Variants in MYO3B observed in about 807,000 individuals in gnomAD.
MYO3B encodes the protein myosin-IIIb.
In MYO3B, 156 loss-of-function variants were observed where a neutral mutation model predicts 174.6. The ratio of observed to expected loss-of-function variants is 0.89; its 90% CI spans 0.78 to 1.02. The LOEUF (loss-of-function observed/expected upper bound fraction) is 1.02, where lower values mean the gene tolerates loss of function less well. Among genes scored for constraint, MYO3B ranks in the 50% least tolerant of loss-of-function variants. MYO3B has a pLI of 0.00. For synonymous variants in MYO3B, 563 were observed against 569.1 expected, an observed-to-expected ratio of 0.99 and a Z score of 0.15; for missense variants, 1,632 against 1,639.4, an observed-to-expected ratio of 1.00 and a Z score of 0.08.
chr2:170,566,128 A>G (rs1025568116), intron 32 of MYO3B, among the ~76,000 whole-genome samples: 2 of 152,218 alleles, frequency 1.3e-5, no homozygotes, highest in African/African-American at 4.8e-5. Flanking sequence ...AGATGAAAAC[A>G]TGCTGAATTA....
chr2:170,325,181 C>A (rs867280385), intron 7 of MYO3B, among the ~76,000 whole-genome samples: 3 of 152,038 alleles, frequency 2.0e-5, no homozygotes. Flanking sequence ...TCCGCTGTTA[C>A]AAGTTAAACA....
At chr2:170,620,607 A>T (rs915396156) in intron 32 of MYO3B, among the ~76,000 whole-genome samples, 1 of 152,238 alleles carries the variant, frequency 6.6e-6, no homozygotes, top group African/African-American at 2.4e-5. Context: ...ACAAGACAGT[A>T]GGCAGCATGA....
At chr2:170,231,427 C>G (rs2093015020) in intron 6 of MYO3B, among the ~76,000 whole-genome samples, 1 of 152,236 alleles carries the variant, frequency 6.6e-6, no homozygotes, top group Non-Finnish European at 1.5e-5. Flanking sequence ...AGTCTCAACC[C>G]ACTGCTAGGT....
intron 16 of MYO3B, among the ~76,000 whole-genome samples, chr2:170,399,319 C>A (rs1425066511): frequency 8.0e-6 from 1 of 125,554 alleles, no homozygotes; most frequent in East Asian, 2.5e-4. Flanking sequence ...CTAAAAAATA[C>A]CAAAAAGAGC....
chr2:170,300,091 G>A (rs1219056550), intron 7 of MYO3B, among the ~76,000 whole-genome samples: 6 of 152,220 alleles, frequency 3.9e-5, no homozygotes, highest in Admixed American at 3.9e-4. Context: ...GATATTCAGT[G>A]CCGATAGGGC....
intron 25 of MYO3B, among the ~76,000 whole-genome samples, chr2:170,473,798 G>A (rs1685136682): frequency 6.6e-6 from 1 of 152,068 alleles, no homozygotes; most frequent in South Asian, 2.1e-4. Flanking sequence ...AATAGGACAA[G>A]GAAGACTCTC....
At chr2:170,395,940 A>G (rs1399988426) in intron 16 of MYO3B, among the ~76,000 whole-genome samples, 1 of 152,250 alleles carries the variant, frequency 6.6e-6, no homozygotes, top group African/African-American at 2.4e-5. Context: ...TATCAAGAGA[A>G]TACTACATCA....
intron 8 of MYO3B, among the ~76,000 whole-genome samples, chr2:170,337,547 G>T (rs189246694): frequency 2.6e-5 from 4 of 152,074 alleles, no homozygotes; most frequent in African/African-American, 4.8e-5. Context: ...TGAGAATAAA[G>T]GTATATAATT....
At chr2:170,352,568 G>C (rs1398489427) in intron 8 of MYO3B, among the ~76,000 whole-genome samples, 1 of 152,182 alleles carries the variant, frequency 6.6e-6, no homozygotes, top group Non-Finnish European at 1.5e-5. Flanking sequence ...TGGTGTACTG[G>C]TAAATGTTTA....
At chr2:170,305,539 T>G (rs957759802) in intron 7 of MYO3B, among the ~76,000 whole-genome samples, 1 of 152,180 alleles carries the variant, frequency 6.6e-6, no homozygotes, top group African/African-American at 2.4e-5. Context: ...TATCATGTCT[T>G]GAATAATAAT....
At chr2:170,515,266 C>T (rs763367232) in intron 29 of MYO3B, among the ~76,000 whole-genome samples, 1 of 152,232 alleles carries the variant, frequency 6.6e-6, no homozygotes, top group Non-Finnish European at 1.5e-5. Context: ...CCTCCACCTC[C>T]TTCCATGTTC....
At chr2:170,261,220 C>G (rs1455238226) in intron 7 of MYO3B, among the ~76,000 whole-genome samples, 2 of 152,020 alleles carry the variant, frequency 1.3e-5, no homozygotes, top group African/African-American at 4.8e-5. Flanking sequence ...GACGGGGTTT[C>G]TCCATGTTGG....
At chr2:170,300,632 G>T (rs922479677) in intron 7 of MYO3B, among the ~76,000 whole-genome samples, 1 of 151,978 alleles carries the variant, frequency 6.6e-6, no homozygotes, top group South Asian at 2.1e-4. Context: ...TTCATTTTTG[G>T]GCTTTGAAAA....
At chr2:170,623,845 T>G (rs1215643231) in intron 32 of MYO3B, among the ~76,000 whole-genome samples, 3 of 152,298 alleles carry the variant, frequency 2.0e-5, no homozygotes, top group South Asian at 4.1e-4. Context: ...TTTTCCCATT[T>G]CTTGTTTTTG....
intron 8 of MYO3B, chr2:170,340,019 G>A (rs2093967707): frequency 6.6e-6 from 1 of 152,106 alleles, no homozygotes; most frequent in Non-Finnish European, 1.5e-5. Flanking sequence ...CTTCTGCTTT[G>A]TCAGGAGGCT....
At chr2:170,638,055 TGACA>T (rs1472933936) in intron 32 of MYO3B, among the ~76,000 whole-genome samples, 2 of 151,786 alleles carry the variant, frequency 1.3e-5, no homozygotes, top group African/African-American at 4.8e-5. Context: ...GGTCTACTAC[TGACA>T]TTCTTTTCTA....
intron 22 of MYO3B, among the ~76,000 whole-genome samples, chr2:170,436,142 C>G (rs1236631864): frequency 1.3e-5 from 2 of 152,144 alleles, no homozygotes; most frequent in Admixed American, 6.5e-5. Context: ...CATTAGATGC[C>G]TCTGACTTCC....
Position 170,401,801 on chromosome 2 carries a change from TC to T in MYO3B, c.2129+111del, listed in dbSNP as rs1287634310. 633 of 982,270 alleles carry T rather than the reference TC, an allele frequency of 6.4e-4. 13 individuals are homozygous for T. The African/African-American group carries it at 0.01, about 16-fold the overall frequency. 60.8% of individuals were successfully genotyped at this position (982,270 alleles called of 1,614,324 possible). A position where few individuals can be genotyped will look rare whatever the true frequency, so the allele number is the denominator to read the frequency against. On this transcript the variant is annotated intron_variant, in intron 18 of 34. Coordinates refer to ENST00000408978, the MANE Select transcript of MYO3B (RefSeq NM_138995.5). ...TCCTCTCTGGGATTTTCTTTCTTTT[TC>T]TTTTTTTTTTTTTTTGTGGAGTCAG...
rs766080903 is a variant in MYO3B, at chr2:170,543,984, G to A, written c.3729G>A (p.Lys1243=). The A allele has an allele frequency of 1.9e-6, 3 of 1,611,378 alleles. No homozygotes were observed. In the Admixed American group the frequency reaches 5.0e-5, roughly 27 times the overall value. Residue 1243 remains lysine, a synonymous_variant, in exon 32 of 35, where the codon AAG becomes AAA. Transcript: ENST00000408978. ...QGLSLWGAPQ[K]PGSENGLAQK... ...TGAGTCTCTGGGGAGCCCCTCAAAA[G>A]CCTGGTAAGAAGAACGTTTTGAATT...
Sources: allele counts gnomAD v4.1 joint callset (sites outside exome capture counted in the v4.1 genomes callset), GRCh38; gene constraint gnomAD v4.1.1; transcripts MANE v1.5; gene names NCBI Gene and HGNC (gene_info 2026-07-23, HGNC 2026-07-21).